Variants in SPG11 observed in about 807,000 individuals in gnomAD.
The protein encoded by SPG11 is spatacsin.
In SPG11, 222 loss-of-function variants were observed where a neutral mutation model predicts 274.0. The observed-to-expected ratio is 0.81, with a 90% CI of 0.73 to 0.91. The LOEUF (loss-of-function observed/expected upper bound fraction) is 0.91, where lower values mean the gene tolerates loss of function less well. Ranked by LOEUF, SPG11 falls within the 40% of genes least tolerant of loss-of-function variation. The probability of loss-of-function intolerance (pLI) is 0.00; values close to 1 mark genes in which losing one functional copy is unlikely to be tolerated. For synonymous variants in SPG11, 1,144 were observed against 1,039.7 expected, an observed-to-expected ratio of 1.10 and a Z score of -1.93; for missense variants, 3,114 against 2,872.7, an observed-to-expected ratio of 1.08 and a Z score of -1.92.
intron 20 of SPG11, among the ~76,000 whole-genome samples, chr15:44,605,036 C>G (rs889424656): frequency 6.7e-6 from 1 of 149,784 alleles, no homozygotes; most frequent in Admixed American, 6.7e-5. Context: ...CTAAAAACAG[C>G]AGGGAACATG....
Position 44,564,565 on chromosome 15 carries a change from A to G in SPG11, c.7133T>C (p.Phe2378Ser), listed in dbSNP as rs1043988454. Residue 2378 changes from phenylalanine to serine, a missense_variant, in exon 39 of 40, where the codon TTT becomes TCT. By Grantham distance (155) the Phe-to-Ser change is radical. Coordinates refer to ENST00000261866, the MANE Select transcript of SPG11 (RefSeq NM_025137.4). ...KQQRLLKSSI[F>S]EEISKKYKQH... ...TACTTACTTTTTGGAAATCTCTTCA[A>G]ATATACTGGACTTTAATAACCTTTG... 3 of 1,613,894 alleles carry G rather than the reference A, an allele frequency of 1.9e-6. No homozygotes were observed. Among genetic ancestry groups the G allele is most frequent in the Non-Finnish European group, 2.5e-6 (3 of 1,179,946 alleles).
intron 35 of SPG11, 25 bp downstream of exon 35, chr15:44,569,373 C>A: frequency 6.6e-7 from 1 of 1,504,010 alleles, no homozygotes; most frequent in East Asian, 2.3e-5. Flanking sequence ...ACACCCCATC[C>A]TGGAGCTCAT....
chr15:44,642,364 C>CAAAAAAAAAAAAAAGAAAAA (rs2084477257), intron 7 of SPG11, among the ~76,000 whole-genome samples: 2 of 44,522 alleles, frequency 4.5e-5, no homozygotes, highest in Non-Finnish European at 1.1e-4. Context: ...GACTCCATCT[C>CAAAAAAAAAAAAAAGAAAAA]AAAAAAAAAA....
intron 18 of SPG11, among the ~76,000 whole-genome samples, chr15:44,609,630 A>T (rs2083408091): frequency 6.6e-6 from 1 of 152,078 alleles, no homozygotes; most frequent in Non-Finnish European, 1.5e-5. Context: ...AAGCAAGCAG[A>T]TCCTAATTGT....
At chr15:44,659,448 C>T (rs2085038914) in intron 2 of SPG11, 145 bp from the exon 3 acceptor site, 1 of 707,732 alleles carries the variant, frequency 1.4e-6, no homozygotes, top group Non-Finnish European at 2.4e-6. Context: ...TTCACACCCA[C>T]CTAAGGAAGT....
chr15:44,647,052 CAT>C (rs2084631297), intron 7 of SPG11, among the ~76,000 whole-genome samples: 2 of 152,236 alleles, frequency 1.3e-5, no homozygotes, highest in South Asian at 4.1e-4. Flanking sequence ...TCATGTATGT[CAT>C]AGAGTCTAGC....
rs1285770354 is a variant in SPG11 at position 44,596,901 on chromosome 15, C to A, written c.4044G>T (p.Gln1348His). 6.2e-7 allele frequency: 1 copy of A among 1,613,956 alleles called. No homozygotes were observed. The highest frequency in any genetic ancestry group is 8.5e-7 in the Non-Finnish European group (1 of 1,179,982). Residue 1348 changes from glutamine to histidine, a missense_variant, in exon 24 of 40, where the codon CAG becomes CAT. Coordinates refer to ENST00000261866, the MANE Select transcript of SPG11 (RefSeq NM_025137.4). ...ESSSQWALVV[Q>H]FCRLHNMKLS... ...GTTTCATATTGTGTAGCCTGCAGAA[C>A]TGCACCACTAATGCCCATTGGCTGC...
At chr15:44,611,305 A>G (rs1380509504) in intron 17 of SPG11, among the ~76,000 whole-genome samples, 1 of 152,200 alleles carries the variant, frequency 6.6e-6, no homozygotes, top group Admixed American at 6.5e-5. Context: ...CATCCAAATC[A>G]ATGCCAAAAA....
At chr15:44,578,019 CTTTTTTTTTTTTTT>C (rs1179057683) in intron 30 of SPG11, among the ~76,000 whole-genome samples, 4 of 117,570 alleles carry the variant, frequency 3.4e-5, no homozygotes, top group South Asian at 2.8e-4. Context: ...GCCTTCTTTC[CTTTTTTTTTTTTTT>C]TTTTTTTTTG....
At chr15:44,655,792 G>A (rs1349008017) in intron 4 of SPG11, among the ~76,000 whole-genome samples, 1 of 152,090 alleles carries the variant, frequency 6.6e-6, no homozygotes, top group Non-Finnish European at 1.5e-5. Flanking sequence ...AGGGTCAACT[G>A]TACTGTTTTT....
intron 38 of SPG11, among the ~76,000 whole-genome samples, chr15:44,565,646 T>C (rs892195321): frequency 6.6e-6 from 1 of 152,226 alleles, no homozygotes; most frequent in Non-Finnish European, 1.5e-5. Flanking sequence ...GAGACAGCAC[T>C]GTCTTACCAT....
chr15:44,651,518 C>G lies in SPG11; in HGVS notation c.1429G>C (p.Asp477His). The G allele has an allele frequency of 6.2e-7, 1 of 1,614,206 alleles. No homozygotes were observed. The highest frequency in any genetic ancestry group is 1.3e-5 in the African/African-American group (1 of 75,054). ...TKCIPVDSSG[D>H]QQLCFVLTEN... Reference sequence around the variant, plus strand: ...GTCAAAACAAAGCACAGCTGCTGGTCTCCACTACTGTCTACAGGAATACAC... The same window carrying G: ...GTCAAAACAAAGCACAGCTGCTGGTGTCCACTACTGTCTACAGGAATACAC... The change falls in exon 6 of 40, where the codon GAC (aspartate) becomes CAC (histidine). Residue 477 changes from aspartate (D) to histidine (H), a missense_variant. Transcript: ENST00000261866.
rs1036932805 is a variant in SPG11 at position 44,594,084 on chromosome 15, T to A, written c.4635+1175A>T. 4.0e-5 allele frequency among the ~76,000 whole-genome samples: 6 copies of A among 151,666 alleles called. No homozygotes were observed. In the South Asian group the frequency reaches 1.0e-3, roughly 26 times the overall value. Reference sequence around the variant, plus strand: ...CGTGCCTGGCCCATAATATCTAATATTATTTTCACATAGGATTATTGTGAA... The same window carrying A: ...CGTGCCTGGCCCATAATATCTAATAATATTTTCACATAGGATTATTGTGAA... On this transcript the variant is annotated intron_variant, in intron 26 of 39. Transcript: ENST00000261866.
At chr15:44,585,983 GTTTT>G (rs71111868) in intron 28 of SPG11, 133 bp from the exon 29 acceptor site, 340 of 336,206 alleles carry the variant, frequency 1.0e-3, no homozygotes, top group Middle Eastern at 4.1e-3. Context: ...ATAAAAAGCT[GTTTT>G]TTTTTTTTTT....
At chr15:44,585,961 G>A in intron 28 of SPG11, 111 bp from the exon 29 acceptor site, 1 of 705,356 alleles carries the variant, frequency 1.4e-6, no homozygotes, top group South Asian at 1.6e-5. Flanking sequence ...TAGTAATGTG[G>A]TTAAAGGAAA....
At chr15:44,616,284 C>A (rs1296138223) in intron 15 of SPG11, among the ~76,000 whole-genome samples, 1 of 150,774 alleles carries the variant, frequency 6.6e-6, no homozygotes, top group South Asian at 2.1e-4. Context: ...CAGCTCACTG[C>A]AAGCTCCGCC....
intron 8 of SPG11, among the ~76,000 whole-genome samples, chr15:44,630,404 C>T (rs1279771949): frequency 6.6e-6 from 1 of 152,122 alleles, no homozygotes; most frequent in Non-Finnish European, 1.5e-5. Flanking sequence ...CACTAACCAC[C>T]AAACAACAGA....
intron 10 of SPG11, 96 bp from the exon 11 acceptor site, chr15:44,626,603 G>C (rs1039408097): frequency 2.3e-6 from 3 of 1,281,526 alleles, no homozygotes; most frequent in African/African-American, 3.0e-5. Flanking sequence ...ATCTAACAAA[G>C]GAACTTTTAT....
Position 44,583,995 on chromosome 15 carries a change from A to C in SPG11, c.5685T>G (p.Ser1895Arg), listed in dbSNP as rs1209844040. 4 of 1,614,226 alleles carry C rather than the reference A, an allele frequency of 2.5e-6. No homozygotes were observed. The highest frequency in any genetic ancestry group is 2.5e-6 in the Non-Finnish European group (3 of 1,180,040). Residue 1895 changes from serine to arginine, a missense_variant, in exon 30 of 40, where the codon AGT (serine) becomes AGG (arginine). Ser to Arg is a moderately radical substitution (Grantham distance 110). Coordinates refer to ENST00000261866, the MANE Select transcript of SPG11 (RefSeq NM_025137.4). ...LLDDGCVHEA[S>R]RVCRYFHFYN... is the part of the protein sequence containing the mutation. ...AAAAATGAAAATACCGGCATACTCT[A>C]CTTGCTTCATGCACACAGCCATCAT...
Sources: allele counts gnomAD v4.1 joint callset (sites outside exome capture counted in the v4.1 genomes callset), GRCh38; gene constraint gnomAD v4.1.1; transcripts MANE v1.5; gene names NCBI Gene and HGNC (gene_info 2026-07-23, HGNC 2026-07-21).